Variants in OSBPL10 observed in about 807,000 individuals in gnomAD.
OSBPL10 encodes the protein oxysterol binding protein like 10, also known as oxysterol-binding protein-related protein 10.
OSBPL10 carries 49 observed loss-of-function variants against 81.7 expected under a neutral mutation model. That is an observed-to-expected ratio of 0.60 (90% CI 0.48 to 0.76). OSBPL10 has a LOEUF of 0.76. Among genes scored for constraint, OSBPL10 ranks in the 30% least tolerant of loss-of-function variants. The probability of loss-of-function intolerance (pLI) is 0.00; values close to 1 mark genes in which losing one functional copy is unlikely to be tolerated. For synonymous variants in OSBPL10, 419 were observed against 383.6 expected (o/e 1.09, Z -1.08); for missense variants, 923 against 987.8 (o/e 0.93, Z 0.88).
At chr3:31,953,470 T>G (rs4637318) in intron 1 of OSBPL10, among the ~76,000 whole-genome samples, 3 of 151,702 alleles carry the variant, frequency 2.0e-5, no homozygotes, top group African/African-American at 4.8e-5. Flanking sequence ...TGCAGTGGCT[T>G]GATCACAGCT....
intron 1 of OSBPL10, among the ~76,000 whole-genome samples, chr3:32,069,583 C>T (rs1454586009): frequency 3.3e-5 from 5 of 152,194 alleles, no homozygotes; most frequent in African/African-American, 7.2e-5. Context: ...TCCAGAAGGC[C>T]GCCTTATTCT....
rs572281840 is a variant in OSBPL10 at position 31,733,317 on chromosome 3, T to A, written c.1035A>T (p.Ile345=). The A allele has an allele frequency of 8.1e-6, 13 of 1,613,418 alleles. No homozygotes were observed. In the South Asian group the frequency reaches 1.4e-4, roughly 18 times the overall value. The change falls in exon 6 of 12, where the codon ATA becomes ATT. Residue 345 remains isoleucine, a synonymous_variant. Transcript: ENST00000396556. ...LGSLPSASAN[I]TWAILPNSAE... is the part of the protein sequence containing the mutation. ...CAGAGTTTGGTAAAATTGCCCAGGT[T>A]ATGTTGGCACTGGCTGATGGCAAAG...
intron 1 of OSBPL10, among the ~76,000 whole-genome samples, chr3:31,957,918 C>T (rs538431076): frequency 7.9e-5 from 12 of 152,294 alleles, no homozygotes; most frequent in Admixed American, 5.9e-4. Context: ...GGATTACAGG[C>T]GTGAGCCACC....
chr3:31,674,212 G>C (rs979089073), intron 8 of OSBPL10, among the ~76,000 whole-genome samples: 6 of 152,092 alleles, frequency 3.9e-5, no homozygotes, highest in African/African-American at 1.4e-4. Flanking sequence ...TAATGAGTGA[G>C]TGCTCGCATT....
intron 3 of OSBPL10, among the ~76,000 whole-genome samples, chr3:31,858,157 C>T (rs551533933): frequency 6.6e-6 from 1 of 151,942 alleles, no homozygotes; most frequent in Admixed American, 6.6e-5. Flanking sequence ...CACGCCACCA[C>T]ACCAGGCTAA....
At chr3:31,875,555 TAA>T (rs60853105) in intron 3 of OSBPL10, among the ~76,000 whole-genome samples, 1,570 of 143,638 alleles carry the variant, frequency 0.011, 22 homozygotes, top group African/African-American at 0.022. Context: ...GATGTTTCTT[TAA>T]AAAAAAAAAA....
intron 1 of OSBPL10, among the ~76,000 whole-genome samples, chr3:31,888,642 T>C (rs1695806531): frequency 6.6e-6 from 1 of 152,106 alleles, no homozygotes; most frequent in Non-Finnish European, 1.5e-5. Flanking sequence ...AATAATGGGC[T>C]GGGCACAGTG....
At chr3:31,866,442 G>C (rs60258753) in intron 3 of OSBPL10, among the ~76,000 whole-genome samples, 39,688 of 151,754 alleles carry the variant, frequency 0.26, 5,306 homozygotes, top group Non-Finnish European at 0.3. Context: ...CCTTCAGGAA[G>C]AGAAGACACC....
intron 4 of OSBPL10, among the ~76,000 whole-genome samples, chr3:31,816,274 G>A (rs1315266229): frequency 1.3e-5 from 2 of 152,116 alleles, no homozygotes; most frequent in Non-Finnish European, 2.9e-5. Flanking sequence ...TTTCATGTCA[G>A]TTTAACCAAC....
chr3:31,868,491 A>G (rs533182144), intron 3 of OSBPL10, among the ~76,000 whole-genome samples: 62 of 152,260 alleles, frequency 4.1e-4, no homozygotes, highest in African/African-American at 1.4e-3. Flanking sequence ...AGTGATAAGC[A>G]TCACTGTCTG....
intron 2 of OSBPL10, chr3:31,989,354 A>G: frequency 6.2e-7 from 1 of 1,614,242 alleles, no homozygotes; most frequent in South Asian, 1.1e-5. Flanking sequence ...TTAGAAAGAC[A>G]TGAAAGTCAT....
chr3:31,780,179 G>C, intron 4 of OSBPL10, among the ~76,000 whole-genome samples: 1 of 152,112 alleles, frequency 6.6e-6, no homozygotes. Flanking sequence ...TGTAGTCCCA[G>C]CTACTCAGGA....
intron 4 of OSBPL10, among the ~76,000 whole-genome samples, chr3:31,801,059 A>AC (rs1559471120): frequency 6.6e-6 from 1 of 152,090 alleles, no homozygotes; most frequent in Non-Finnish European, 1.5e-5. Flanking sequence ...AGGTTCTCCA[A>AC]CAGAGGGACG....
At chr3:31,766,367 T>C (rs1698200395) in intron 4 of OSBPL10, among the ~76,000 whole-genome samples, 1 of 133,674 alleles carries the variant, frequency 7.5e-6, no homozygotes, top group Non-Finnish European at 1.6e-5. Flanking sequence ...TGAGACACGG[T>C]CTCACTTCAT....
chr3:31,996,911 AG>A (rs1291806583), intron 2 of OSBPL10, among the ~76,000 whole-genome samples: 2 of 152,210 alleles, frequency 1.3e-5, no homozygotes, highest in East Asian at 3.8e-4. Flanking sequence ...GGAGAACTAA[AG>A]CCAAGCTTCT....
Position 31,996,360 on chromosome 3 carries a change from C to T in OSBPL10, n.298+50131G>A, listed in dbSNP as rs976188. Among the ~76,000 whole-genome samples the T allele has an allele frequency of 2.6e-5, 4 of 152,142 alleles. No individual in the cohort carries two copies. The East Asian group carries it at 7.7e-4, about 29-fold the overall frequency. ...GACTTGATTTCTCTAAACTCTCCCCCCCGTGCAAGGGAACAATGATATGAT... is the reference window on the plus strand; with the variant it reads ...GACTTGATTTCTCTAAACTCTCCCCTCCGTGCAAGGGAACAATGATATGAT... On this transcript the variant is annotated intron_variant and non_coding_transcript_variant, in intron 2 of 3. Coordinates refer to the OSBPL10 transcript ENST00000479173.
At chr3:32,044,532 G>A (rs111390284) in intron 2 of OSBPL10, among the ~76,000 whole-genome samples, 5,831 of 151,088 alleles carry the variant, frequency 0.039, 368 homozygotes, top group African/African-American at 0.13. Flanking sequence ...ACTTGAGCTC[G>A]GGAGTTAGCG....
At chr3:31,722,077 C>T (rs1696662000) in intron 6 of OSBPL10, among the ~76,000 whole-genome samples, 1 of 152,138 alleles carries the variant, frequency 6.6e-6, no homozygotes, top group African/African-American at 2.4e-5. Flanking sequence ...AGCTTATTCA[C>T]CTCATTCTCA....
At chr3:31,724,320 A>G (rs1444110941) in intron 6 of OSBPL10, among the ~76,000 whole-genome samples, 1 of 152,258 alleles carries the variant, frequency 6.6e-6, no homozygotes, top group East Asian at 1.9e-4. Context: ...GGCAAATCCA[A>G]GGTGGCTACC....
Sources: allele counts gnomAD v4.1 joint callset (sites outside exome capture counted in the v4.1 genomes callset), GRCh38; gene constraint gnomAD v4.1.1; transcripts MANE v1.5; gene names NCBI Gene and HGNC (gene_info 2026-07-23, HGNC 2026-07-21).